Variants in PHLDB3 observed in about 807,000 individuals in gnomAD.
The protein encoded by PHLDB3 is pleckstrin homology-like domain family B member 3.
A neutral mutation model predicts 85.7 loss-of-function variants in PHLDB3; 86 were observed. The ratio of observed to expected loss-of-function variants is 1.00; its 90% CI spans 0.84 to 1.20. PHLDB3 has a LOEUF of 1.20. Ranked by LOEUF, PHLDB3 falls within the 50% of genes most tolerant of loss-of-function variation. PHLDB3 has a pLI of 0.00. For missense variants in PHLDB3, 995 were observed against 873.0 expected, an observed-to-expected ratio of 1.14 and a Z score of -1.76; for synonymous variants, 376 against 349.8, an observed-to-expected ratio of 1.07 and a Z score of -0.83.
chr19:43,497,937 C>T (rs2145943476), intron 4 of PHLDB3, 61 bp from the exon 5 acceptor site: 3 of 1,545,848 alleles, frequency 1.9e-6, no homozygotes, highest in South Asian at 2.4e-5. Flanking sequence ...CAGCAGCCAG[C>T]CATATCTCAG....
At chr19:43,487,217 C>T in intron 9 of PHLDB3, 94 bp from the exon 10 acceptor site, 3 of 964,918 alleles carry the variant, frequency 3.1e-6, no homozygotes, top group African/African-American at 1.6e-5. Context: ...CCAGTCAGCA[C>T]AAATCAAAAC....
intron 1 of PHLDB3, chr19:43,504,384 T>A: frequency 1.8e-6 from 1 of 545,446 alleles, no homozygotes; most frequent in South Asian, 2.4e-5. Context: ...TACTGACCTC[T>A]TCGACCCCGC....
chr19:43,485,008 G>GA, intron 13 of PHLDB3, among the ~76,000 whole-genome samples: 1 of 150,644 alleles, frequency 6.6e-6, no homozygotes, highest in East Asian at 1.9e-4. Context: ...AGACTTATGA[G>GA]AAAAAAAGAA....
chr19:43,502,766 G>A (rs1369422623), intron 2 of PHLDB3, among the ~76,000 whole-genome samples: 1 of 151,924 alleles, frequency 6.6e-6, no homozygotes, highest in Non-Finnish European at 1.5e-5. Context: ...TCAGACCCCT[G>A]TATTTAAGGT....
chr19:43,488,327 C>T lies in PHLDB3; in HGVS notation c.1150-1204G>A, dbSNP rs148996887. 9.3e-3 allele frequency among the ~76,000 whole-genome samples: 1,408 copies of T among 152,062 alleles called. 23 individuals are homozygous for T. Among genetic ancestry groups the T allele is most frequent in the African/African-American group, 0.032 (1,315 of 41,442 alleles). ...GAAAAATTAGCTGGGCATAGTGGCA[C>T]GTGCCTGCAGTCCCAGCTACTGTGG... On this transcript the variant is annotated intron_variant, in intron 9 of 15. Transcript: ENST00000292140.
intron 3 of PHLDB3, 97 bp downstream of exon 3, chr19:43,502,004 C>G (rs1304340287): frequency 9.4e-6 from 14 of 1,496,998 alleles, no homozygotes; most frequent in Non-Finnish European, 2.7e-6. Flanking sequence ...AGCGGAGGGC[C>G]TAAAATCTGA....
At chr19:43,493,280 GAATA>G (rs57954351) in intron 9 of PHLDB3, among the ~76,000 whole-genome samples, 1,361 of 133,792 alleles carry the variant, frequency 0.01, 11 homozygotes, top group Non-Finnish European at 0.012. Context: ...CTCTGTCTCA[GAATA>G]AATAAATAAA....
At chr19:43,477,085 A>G (rs1970942404) in intron 15 of PHLDB3, among the ~76,000 whole-genome samples, 1 of 152,088 alleles carries the variant, frequency 6.6e-6, no homozygotes, top group South Asian at 2.1e-4. Context: ...GATTATAGGC[A>G]TGAGCCACGA....
chr19:43,475,494 G>T lies in PHLDB3; in HGVS notation c.1839C>A (p.Phe613Leu), dbSNP rs758512440. The change falls in exon 16 of 16, where the codon TTC (phenylalanine) becomes TTA (leucine). Residue 613 changes from phenylalanine (F) to leucine (L), a missense_variant. Phe to Leu is a conservative substitution (Grantham distance 22). Transcript: ENST00000292140. ...CTTCGGGGCTCGGAGCCACCATGTA[G>T]AAAAGGCGTTCGTAGGTTTTGACGC... ...TFCVKTYERL[F>L]YMVAPSPEAM... 1 of 1,614,002 alleles carries T rather than the reference G, an allele frequency of 6.2e-7. No individual in the cohort carries two copies. Among genetic ancestry groups the T allele is most frequent in the Non-Finnish European group, 8.5e-7 (1 of 1,179,884 alleles).
chr19:43,496,405 T>C (rs1487210738), intron 6 of PHLDB3: 1 of 152,140 alleles, frequency 6.6e-6, no homozygotes, highest in Non-Finnish European at 1.5e-5. Context: ...GTCAGACCCT[T>C]GAATGTGAGG....
chr19:43,502,019 A>C, intron 3 of PHLDB3, 82 bp downstream of exon 3: 2 of 1,510,042 alleles, frequency 1.3e-6, no homozygotes, highest in African/African-American at 2.8e-5. Flanking sequence ...ATCTGATCCC[A>C]CCCGAGGAAA....
intron 4 of PHLDB3, among the ~76,000 whole-genome samples, chr19:43,500,353 T>G (rs1419905857): frequency 6.6e-6 from 1 of 152,044 alleles, no homozygotes; most frequent in Admixed American, 6.6e-5. Flanking sequence ...AACCTCTCCC[T>G]CTAACCAACA....
intron 6 of PHLDB3, 186 bp from the exon 7 acceptor site, chr19:43,495,806 G>C (rs941696636): frequency 1.4e-6 from 1 of 722,204 alleles, no homozygotes; most frequent in Non-Finnish European, 2.2e-6. Context: ...GGGTCCAGAA[G>C]AGATCTGGGG....
chr19:43,502,533 C>T (rs977670811), intron 2 of PHLDB3, among the ~76,000 whole-genome samples: 57 of 148,624 alleles, frequency 3.8e-4, no homozygotes, highest in African/African-American at 1.4e-3. Flanking sequence ...ACTGCAGCAT[C>T]GACCTCCCTC....
chr19:43,481,605 C>T (rs553458360), intron 13 of PHLDB3, among the ~76,000 whole-genome samples: 11 of 151,406 alleles, frequency 7.3e-5, no homozygotes, highest in African/African-American at 2.2e-4. Flanking sequence ...GCAACAAGAG[C>T]GAAACTCCAT....
Position 43,475,440 on chromosome 19 carries a change from C to CA in PHLDB3, c.1892dup (p.Thr632AspfsTer4). 6.2e-7 allele frequency: 1 copy of CA among 1,613,884 alleles called. No homozygotes were observed. The highest frequency in any genetic ancestry group is 8.5e-7 in the Non-Finnish European group (1 of 1,179,842). On this transcript the variant is annotated frameshift_variant, in exon 16 of 16. Coordinates refer to ENST00000292140, the MANE Select transcript of PHLDB3 (RefSeq NM_198850.4). LOFTEE classifies it high-confidence loss of function. ...GGGCGTGGTTTTCGTCAGCGGCGGT[C>CA]ACGATGACGTCCATCCAAATGCGCA... is the stretch of plus-strand genomic sequence containing the variant.
rs751711083 is a variant in PHLDB3, at chr19:43,478,015, T to C, written c.1788+32A>G. 18 of 1,561,582 alleles carry C rather than the reference T, an allele frequency of 1.2e-5. No homozygotes were observed. In the East Asian group the frequency reaches 3.6e-4, roughly 31 times the overall value. On this transcript the variant is annotated intron_variant, in intron 15 of 15. Coordinates refer to ENST00000292140, the MANE Select transcript of PHLDB3 (RefSeq NM_198850.4). ...GCCTGACTCCAACTGAGTCTCCAAC[T>C]GGGAGGTCAGGGTGACATTGAGGGG...
At chr19:43,494,667 GAT>G in intron 9 of PHLDB3, 33 bp downstream of exon 9, 1 of 1,514,318 alleles carries the variant, frequency 6.6e-7, no homozygotes. Flanking sequence ...TGACCAATAA[GAT>G]ATATGGGGAA....
chr19:43,479,571 G>GGGT lies in PHLDB3; in HGVS notation c.1505_1507dup (p.His502dup). 1 of 1,518,096 alleles carries GGGT rather than the reference G, an allele frequency of 6.6e-7. No individual in the cohort carries two copies. The highest frequency in any genetic ancestry group is 2.0e-5 in the Admixed American group (1 of 50,800). 94.0% of individuals were successfully genotyped at this position (1,518,096 alleles called of 1,614,324 possible). ...GAGATCCAAGATTCGCGGGCCTGGAGGGTGGGGTGGGGTGGGTGGGGCCTG... is the reference window on the plus strand; with the variant it reads ...GAGATCCAAGATTCGCGGGCCTGGAGGGTGGTGGGGTGGGGTGGGTGGGGCCTG... On this transcript the variant is annotated inframe_insertion, in exon 14 of 16. Transcript: ENST00000292140.
Sources: gnomAD v4.1 joint callset for allele counts (sites outside exome capture counted in the v4.1 genomes callset) on GRCh38, gnomAD v4.1.1 for gene constraint, MANE v1.5 for transcripts, NCBI Gene and HGNC (gene_info 2026-07-23, HGNC 2026-07-21) for gene names.